SLC30A8: variants seen among roughly 807,000 people sequenced by gnomAD.
SLC30A8 encodes solute carrier family 30 member 8.
SLC30A8 carries 27 observed loss-of-function variants against 36.9 expected under a neutral mutation model. That is an observed-to-expected ratio of 0.73 (90% CI 0.54 to 1.01). The LOEUF is 1.01. Among genes scored for constraint, SLC30A8 ranks in the 50% least tolerant of loss-of-function variants. The probability of loss-of-function intolerance (pLI) is 0.00; values close to 1 mark genes in which losing one functional copy is unlikely to be tolerated. For synonymous variants in SLC30A8, 164 were observed against 172.4 expected, an observed-to-expected ratio of 0.95 and a Z score of 0.38; for missense variants, 439 against 452.0, an observed-to-expected ratio of 0.97 and a Z score of 0.26.
At chr8:117,003,117 TG>T (rs1490641020) in intron 1 of SLC30A8, among the ~76,000 whole-genome samples, 1 of 152,250 alleles carries the variant, frequency 6.6e-6, no homozygotes, top group Non-Finnish European at 1.5e-5. Flanking sequence ...TACTTTCTGC[TG>T]CAGCACTTCT....
At chr8:116,986,300 T>G (rs767774739) in intron 1 of SLC30A8, among the ~76,000 whole-genome samples, 4 of 152,186 alleles carry the variant, frequency 2.6e-5, no homozygotes, top group Admixed American at 1.3e-4. Flanking sequence ...ATTGTGTTCA[T>G]TGACCGGTCT....
upstream of SLC30A8, among the ~76,000 whole-genome samples, chr8:117,131,889 AAC>A (rs1337970834): frequency 2.0e-5 from 3 of 152,140 alleles, no homozygotes; most frequent in Admixed American, 6.6e-5. Context: ...GAAACGGAAA[AAC>A]ACAGTGGTCA....
chr8:117,069,471 A>G (rs1338452005), intron 2 of SLC30A8, among the ~76,000 whole-genome samples: 4 of 152,200 alleles, frequency 2.6e-5, no homozygotes, highest in Non-Finnish European at 5.9e-5. Context: ...GTATTATGGG[A>G]AAGAATATAT....
intron 1 of SLC30A8, among the ~76,000 whole-genome samples, chr8:116,987,693 T>C (rs997704577): frequency 6.6e-6 from 1 of 152,096 alleles, no homozygotes; most frequent in Non-Finnish European, 1.5e-5. Context: ...TTATTATTAC[T>C]TTTTTATTTT....
In SLC30A8 at chr8:117,175,774, A is replaced by G. The variant is rs2129818130; in HGVS notation, c.*3093A>G. 6.6e-6 allele frequency: 1 copy of G among 152,242 alleles called. No individual in the cohort carries two copies. The highest frequency in any genetic ancestry group is 2.1e-4 in the South Asian group (1 of 4,824). 9.4% of individuals were successfully genotyped at this position (152,242 alleles called of 1,614,324 possible). A position where few individuals can be genotyped will look rare whatever the true frequency, so the allele number is the denominator to read the frequency against. On this transcript the variant is annotated 3_prime_UTR_variant, in exon 8 of 8. Transcript: ENST00000456015. ...ATTTTGAGTTATCAACACCGTTCCC[A>G]CAAGACAGTGGCAAAATTATTGGTG...
At chr8:117,153,754 G>GTGTGTGTGTA (rs1414504163) in intron 3 of SLC30A8, among the ~76,000 whole-genome samples, 4 of 151,664 alleles carry the variant, frequency 2.6e-5, no homozygotes, top group African/African-American at 2.4e-5. Context: ...GTGTGTGTGT[G>GTGTGTGTGTA]TATTCATTCT....
intron 2 of SLC30A8, among the ~76,000 whole-genome samples, chr8:117,094,719 G>T (rs1457874163): frequency 6.6e-6 from 1 of 152,198 alleles, no homozygotes; most frequent in Admixed American, 6.5e-5. Context: ...TGAAGGTGGG[G>T]CTTTACCTGG....
chr8:117,068,777 A>G (rs1477053883), intron 2 of SLC30A8, among the ~76,000 whole-genome samples: 1 of 152,054 alleles, frequency 6.6e-6, no homozygotes, highest in Non-Finnish European at 1.5e-5. Flanking sequence ...GGGTTTCACT[A>G]TGCTGGCCAG....
At chr8:117,070,751 C>G (rs1818306138) in intron 2 of SLC30A8, among the ~76,000 whole-genome samples, 1 of 152,178 alleles carries the variant, frequency 6.6e-6, no homozygotes, top group Admixed American at 6.5e-5. Flanking sequence ...CTCACACTTC[C>G]CCAGCCTCAT....
intron 1 of SLC30A8, among the ~76,000 whole-genome samples, chr8:116,993,220 G>A (rs186078392): frequency 5.9e-5 from 9 of 151,300 alleles, no homozygotes; most frequent in Non-Finnish European, 1.3e-4. Context: ...GAGAGGCAGA[G>A]TTTGGAGTTG....
At chr8:117,070,868 G>T (rs1818309305) in intron 2 of SLC30A8, among the ~76,000 whole-genome samples, 1 of 152,084 alleles carries the variant, frequency 6.6e-6, no homozygotes, top group Non-Finnish European at 1.5e-5. Flanking sequence ...TATTTACTTA[G>T]CATGATGCCT....
At chr8:117,051,451 G>A (rs1410896643) in intron 2 of SLC30A8, among the ~76,000 whole-genome samples, 2 of 152,152 alleles carry the variant, frequency 1.3e-5, no homozygotes, top group Non-Finnish European at 2.9e-5. Context: ...CCTTATGAAC[G>A]GCTTAGTGTC....
chr8:116,997,186 A>G (rs1275108966), intron 1 of SLC30A8, among the ~76,000 whole-genome samples: 2 of 152,142 alleles, frequency 1.3e-5, no homozygotes, highest in Non-Finnish European at 2.9e-5. Context: ...CTTACCATCC[A>G]CCTCTGAAGC....
intron 2 of SLC30A8, among the ~76,000 whole-genome samples, chr8:117,059,887 G>A (rs946304428): frequency 1.3e-5 from 2 of 152,092 alleles, no homozygotes; most frequent in African/African-American, 2.4e-5. Context: ...AGATCAATGG[G>A]GTCGTTTTCC....
chr8:116,999,844 TAAA>T (rs923214230), intron 1 of SLC30A8, among the ~76,000 whole-genome samples: 3 of 152,056 alleles, frequency 2.0e-5, no homozygotes, highest in East Asian at 1.9e-4. Context: ...AAAGCAGACA[TAAA>T]AAATTAATAA....
At chr8:117,078,888 A>G (rs543314499) in intron 2 of SLC30A8, among the ~76,000 whole-genome samples, 1 of 152,202 alleles carries the variant, frequency 6.6e-6, no homozygotes, top group East Asian at 1.9e-4. Context: ...GGGTTTCACC[A>G]TGTTGCCCAG....
At chr8:117,163,939 G>A (rs772529538) in intron 6 of SLC30A8, 18 of 160,274 alleles carry the variant, frequency 1.1e-4, no homozygotes, top group Non-Finnish European at 2.2e-4. Context: ...TTGTTTGTCC[G>A]GCAAGTGTTT....
At chr8:117,011,537 G>C (rs1408494217) in intron 1 of SLC30A8, among the ~76,000 whole-genome samples, 9 of 152,210 alleles carry the variant, frequency 5.9e-5, no homozygotes, top group Admixed American at 5.9e-4. Context: ...CCTAGAGAGA[G>C]CTGACAGCAG....
chr8:116,959,191 C>T (rs568827424), intron 1 of SLC30A8, among the ~76,000 whole-genome samples: 22 of 152,100 alleles, frequency 1.4e-4, no homozygotes, highest in South Asian at 6.2e-4. Flanking sequence ...CTCTGTGTTT[C>T]GAGTGGTTTC....
Sources: gnomAD v4.1 joint callset for allele counts (sites outside exome capture counted in the v4.1 genomes callset) on GRCh38, gnomAD v4.1.1 for gene constraint, MANE v1.5 for transcripts, NCBI Gene and HGNC (gene_info 2026-07-23, HGNC 2026-07-21) for gene names.